Variants in TRPM8 observed in about 807,000 individuals in gnomAD.
TRPM8 encodes the protein transient receptor potential cation channel subfamily M member 8, also known as TRPM8 cationic channel.
A neutral mutation model predicts 133.7 loss-of-function variants in TRPM8; 110 were observed. The observed-to-expected ratio is 0.82, with a 90% CI of 0.70 to 0.96. The LOEUF is 0.96. Ranked by LOEUF, TRPM8 falls within the 40% of genes least tolerant of loss-of-function variation. The pLI, the probability that TRPM8 is intolerant of heterozygous loss-of-function variation, is 0.00. For synonymous variants in TRPM8, 535 were observed against 532.3 expected (o/e 1.01, Z -0.07); for missense variants, 1,291 against 1,379.5 (o/e 0.94, Z 1.02).
At chr2:234,015,009 C>G (rs1314725733) in intron 25 of TRPM8, among the ~76,000 whole-genome samples, 2 of 152,134 alleles carry the variant, frequency 1.3e-5, no homozygotes, top group African/African-American at 4.8e-5. Flanking sequence ...TTTGATCTTC[C>G]TTAATTCTGT....
chr2:233,931,624 C>A (rs1691680787), intron 3 of TRPM8, among the ~76,000 whole-genome samples: 1 of 152,178 alleles, frequency 6.6e-6, no homozygotes, highest in African/African-American at 2.4e-5. Context: ...AAAAATCTAG[C>A]AAAAGTATAC....
Position 233,926,702 on chromosome 2 carries a change from G to A in TRPM8, c.117+48G>A, listed in dbSNP as rs200015666. ...TTGAAAGGTTATCATTGTAACCTTC[G>A]TAAGCCGTCAAATCCTGCATTTGCA... On this transcript the variant is annotated intron_variant, in intron 2 of 25. Transcript: ENST00000324695. 1.1e-4 allele frequency: 164 copies of A among 1,427,322 alleles called. No homozygotes were observed. In the East Asian group the frequency reaches 1.9e-3, roughly 16 times the overall value. 88.4% of individuals were successfully genotyped at this position (1,427,322 alleles called of 1,614,324 possible). A position where few individuals can be genotyped will look rare whatever the true frequency, so the allele number is the denominator to read the frequency against.
chr2:234,010,501 G>A (rs1430019237), intron 24 of TRPM8, among the ~76,000 whole-genome samples: 5 of 152,190 alleles, frequency 3.3e-5, no homozygotes, highest in African/African-American at 1.2e-4. Flanking sequence ...TAAACCCAGA[G>A]GTGGGATTGC....
Position 234,008,059 on chromosome 2 carries a change from C to G in TRPM8, c.3231-11C>G. On this transcript the variant is annotated splice_polypyrimidine_tract_variant and intron_variant, in intron 23 of 25. Coordinates refer to ENST00000324695, the MANE Select transcript of TRPM8 (RefSeq NM_024080.5). ...TCTTGTTCACTTTCTTTTTCATTAA[C>G]TTCTTTGCAGAATGAGGCATCGATT... 1 of 1,608,482 alleles carries G rather than the reference C, an allele frequency of 6.2e-7. No individual in the cohort carries two copies. The highest frequency in any genetic ancestry group is 8.5e-7 in the Non-Finnish European group (1 of 1,178,644).
At chr2:233,996,732 T>C (rs997721222) in intron 22 of TRPM8, among the ~76,000 whole-genome samples, 1 of 152,194 alleles carries the variant, frequency 6.6e-6, no homozygotes, top group African/African-American at 2.4e-5. Flanking sequence ...TAGCCTGCTC[T>C]GTGGGGAATG....
intron 25 of TRPM8, among the ~76,000 whole-genome samples, chr2:234,015,048 C>A (rs1199566981): frequency 6.6e-6 from 1 of 152,146 alleles, no homozygotes; most frequent in East Asian, 1.9e-4. Context: ...GATCAGCACC[C>A]AAAGATGTCT....
intron 1 of TRPM8, among the ~76,000 whole-genome samples, chr2:233,924,586 A>G (rs546975673): frequency 3.3e-5 from 5 of 152,284 alleles, no homozygotes; most frequent in East Asian, 3.9e-4. Flanking sequence ...TTGAATATCA[A>G]CTGGTCTCAG....
At chr2:233,981,689 T>G in intron 18 of TRPM8, 85 bp from the exon 19 acceptor site, 6 of 1,413,630 alleles carry the variant, frequency 4.2e-6, no homozygotes, top group Non-Finnish European at 5.7e-6. Flanking sequence ...CTTGCCTGTT[T>G]CTTGAAATTG....
chr2:233,935,816 C>T (rs772051217), intron 3 of TRPM8, among the ~76,000 whole-genome samples: 4 of 152,076 alleles, frequency 2.6e-5, no homozygotes, highest in African/African-American at 9.6e-5. Context: ...GTGAACAGTG[C>T]CTCACTGAGT....
chr2:234,002,794 C>CT (rs1183047737), intron 22 of TRPM8, among the ~76,000 whole-genome samples: 6 of 152,106 alleles, frequency 3.9e-5, no homozygotes, highest in Admixed American at 2.6e-4. Flanking sequence ...CTTCTCTCTG[C>CT]TTTTTTTTAA....
chr2:233,919,226 T>C (rs552809639), intron 1 of TRPM8, among the ~76,000 whole-genome samples: 7 of 152,280 alleles, frequency 4.6e-5, no homozygotes, highest in Admixed American at 2.6e-4. Context: ...GTTCAAAGGA[T>C]GCATGAATAT....
At position 234,017,766 on chromosome 2, in the gene TRPM8, A is replaced by C. The variant is rs1559555386; in HGVS notation, c.*510A>C. On this transcript the variant is annotated 3_prime_UTR_variant, in exon 26 of 26. Coordinates refer to ENST00000324695, the MANE Select transcript of TRPM8 (RefSeq NM_024080.5). ...CTCAAATTAGGCCAGATTCTAAAACATGCTGCAGCAAGAGGACCCCGCTCT... is the reference window on the plus strand; with the variant it reads ...CTCAAATTAGGCCAGATTCTAAAACCTGCTGCAGCAAGAGGACCCCGCTCT... The C allele has an allele frequency of 6.2e-6, 1 of 162,460 alleles. No individual in the cohort carries two copies. The highest frequency in any genetic ancestry group is 2.4e-5 in the African/African-American group (1 of 41,522). The allele number at this position is 162,460 out of a possible 1,614,324, so 10.1% of individuals were successfully genotyped here.
In TRPM8 at chr2:233,966,770, G is replaced by A. The variant is rs200174091; in HGVS notation, c.2025+15G>A. On this transcript the variant is annotated intron_variant, in intron 15 of 25. Coordinates refer to ENST00000324695, the MANE Select transcript of TRPM8 (RefSeq NM_024080.5). ...CTGGGGTCCAGGTAAACCATACTCA[G>A]CCACCAGACCACACGGCCAGAAATG... is the stretch of plus-strand genomic sequence containing the variant. 2 of 1,534,682 alleles carry A rather than the reference G, an allele frequency of 1.3e-6. No individual in the cohort carries two copies. The highest frequency in any genetic ancestry group is 1.8e-6 in the Non-Finnish European group (2 of 1,135,736).
chr2:233,978,251 CT>C (rs1230326835), intron 17 of TRPM8, among the ~76,000 whole-genome samples: 1 of 142,110 alleles, frequency 7.0e-6, no homozygotes, highest in African/African-American at 2.6e-5. Context: ...TAAGTTGAGC[CT>C]TTTTTTCCTT....
intron 21 of TRPM8, among the ~76,000 whole-genome samples, chr2:233,995,659 G>A (rs1054290445): frequency 1.3e-5 from 2 of 151,960 alleles, no homozygotes. Context: ...GCTGCATAAT[G>A]TAATCATATT....
At chr2:233,918,383 T>A (rs1395573025) in intron 1 of TRPM8, among the ~76,000 whole-genome samples, 1 of 151,160 alleles carries the variant, frequency 6.6e-6, no homozygotes, top group African/African-American at 2.4e-5. Flanking sequence ...CATTACAATT[T>A]ATAATAATAA....
chr2:233,921,231 G>T (rs1691400122), intron 1 of TRPM8, among the ~76,000 whole-genome samples: 1 of 152,120 alleles, frequency 6.6e-6, no homozygotes, highest in Admixed American at 6.6e-5. Context: ...CACGTCAGTA[G>T]ATTCGTATAA....
intron 21 of TRPM8, among the ~76,000 whole-genome samples, chr2:233,987,845 C>T (rs1159284676): frequency 6.6e-6 from 1 of 152,028 alleles, no homozygotes; most frequent in Non-Finnish European, 1.5e-5. Context: ...AAGGGGAAAC[C>T]CCTTTTACTT....
chr2:233,949,844 G>A (rs1401771130), intron 8 of TRPM8, 105 bp from the exon 9 acceptor site: 2 of 931,910 alleles, frequency 2.1e-6, no homozygotes, highest in Admixed American at 2.3e-5. Flanking sequence ...AAACGTGTAG[G>A]GATGTGTCCG....
Sources: gnomAD v4.1 joint callset for allele counts (sites outside exome capture counted in the v4.1 genomes callset) on GRCh38, gnomAD v4.1.1 for gene constraint, MANE v1.5 for transcripts, NCBI Gene and HGNC (gene_info 2026-07-23, HGNC 2026-07-21) for gene names.